Variants in PCSK9 observed in about 807,000 individuals in gnomAD.
PCSK9 encodes the protein convertase subtilisin/kexin type 9 preproprotein.
PCSK9 carries 57 observed loss-of-function variants against 62.1 expected under a neutral mutation model. The ratio of observed to expected loss-of-function variants is 0.92; its 90% CI spans 0.74 to 1.14. The LOEUF (loss-of-function observed/expected upper bound fraction) is 1.14. Among genes scored for constraint, PCSK9 ranks in the 50% most tolerant of loss-of-function variants. The pLI is 0.00. For missense variants in PCSK9, 870 were observed against 959.8 expected, an observed-to-expected ratio of 0.91 and a Z score of 1.24; for synonymous variants, 387 against 409.4, an observed-to-expected ratio of 0.95 and a Z score of 0.66.
chr1:55,040,760 G>T lies in PCSK9; in HGVS notation c.207+716G>T, dbSNP rs922771916. On this transcript the variant is annotated intron_variant, in intron 1 of 11. Coordinates refer to ENST00000302118, the MANE Select transcript of PCSK9 (RefSeq NM_174936.4). This position sits in a 1 kb window ranked among gnomAD's most constrained non-coding sequence, Gnocchi z 4.1. ...GGCCCTTGGTGCTCTGGAGCCGGAG[G>T]TGGTGCGCCTGGTACTGGGACCCCG... 6.6e-6 allele frequency among the ~76,000 whole-genome samples: 1 copy of T among 152,240 alleles called. No homozygotes were observed. The highest frequency in any genetic ancestry group is 1.5e-5 in the Non-Finnish European group (1 of 68,040).
At chr1:55,051,105 T>G (rs369121160) in intron 3 of PCSK9, 58 of 455,594 alleles carry the variant, frequency 1.3e-4, no homozygotes, top group African/African-American at 9.2e-4. Flanking sequence ...TCTGGGAATT[T>G]GTGACCGAAG....
At chr1:55,051,036 C>A (rs1644669110) in intron 3 of PCSK9, 1 of 416,244 alleles carries the variant, frequency 2.4e-6, no homozygotes, top group South Asian at 1.8e-5. Context: ...GGAACACCAG[C>A]AGCCACCAGA....
Position 55,046,574 on chromosome 1 carries a change from G to A in PCSK9, c.451G>A (p.Ala151Thr), listed in dbSNP as rs765172295. ...CATCGAGGAGGACTCCTCTGTCTTT[G>A]CCCAGAGCATCCCGTGGAACCTGGA... Reference protein sequence around the residue: ...DYIEEDSSVFAQSIPWNLERI... With the variant: ...DYIEEDSSVFTQSIPWNLERI... The change falls in exon 3 of 12, where the codon GCC becomes ACC. Residue 151 changes from alanine (A) to threonine (T), a missense_variant. Coordinates refer to ENST00000302118, the MANE Select transcript of PCSK9 (RefSeq NM_174936.4). The A allele has an allele frequency of 6.2e-7, 1 of 1,614,116 alleles. No homozygotes were observed. The highest frequency in any genetic ancestry group is 2.2e-5 in the East Asian group (1 of 44,866).
intron 7 of PCSK9, 29 bp from the exon 8 acceptor site, chr1:55,058,007 C>T (rs763498636): frequency 6.2e-7 from 1 of 1,613,418 alleles, no homozygotes; most frequent in South Asian, 1.1e-5. Flanking sequence ...CGGGCCATCA[C>T]CATCTTTCAC....
At position 55,058,577 on chromosome 1, in the gene PCSK9, C is replaced by T. The variant is rs1430200092; in HGVS notation, c.1433C>T (p.Ala478Val). 9 of 1,611,946 alleles carry T rather than the reference C, an allele frequency of 5.6e-6. No individual in the cohort carries two copies. Among genetic ancestry groups the T allele is most frequent in the Non-Finnish European group, 7.6e-6 (9 of 1,180,018 alleles). ...ATGGCCACAGCCGTCGCCCGCTGCG[C>T]CCCAGATGAGGAGCTGCTGAGCTGC... Reference protein sequence around the residue: ...TRMATAVARCAPDEELLSCSS... With the variant: ...TRMATAVARCVPDEELLSCSS... Residue 478 changes from alanine (A) to valine (V), a missense_variant, in exon 9 of 12, where the codon GCC becomes GTC. Coordinates refer to ENST00000302118, the MANE Select transcript of PCSK9 (RefSeq NM_174936.4).
At chr1:55,058,785 C>G in intron 9 of PCSK9, 138 bp downstream of exon 9, 1 of 1,500,542 alleles carries the variant, frequency 6.7e-7, no homozygotes, top group South Asian at 1.2e-5. Flanking sequence ...CTTCTGTAAG[C>G]TTACAGGGCT....
intron 6 of PCSK9, 88 bp from the exon 7 acceptor site, chr1:55,057,243 G>T (rs1557506175): frequency 6.7e-7 from 1 of 1,484,190 alleles, no homozygotes; most frequent in South Asian, 1.1e-5. Context: ...TATAGCAGTT[G>T]TCCAGCCCAG....
intron 2 of PCSK9, among the ~76,000 whole-genome samples, chr1:55,045,550 G>A (rs1205426417): frequency 6.6e-6 from 1 of 152,190 alleles, no homozygotes; most frequent in African/African-American, 2.4e-5. Flanking sequence ...ACTTAGGTCT[G>A]AAGGGTAAGG....
rs1557505457 is a variant in PCSK9 at position 55,055,990 on chromosome 1, CAGG to C, written c.800-2_800del. On this transcript the variant is annotated splice_acceptor_variant and coding_sequence_variant, in exon 6 of 12. Transcript: ENST00000302118. LOFTEE classifies it high-confidence loss of function. Reference sequence around the variant, plus strand: ...GGGGTGACCTTGGCTTTGTTCCTCCCAGGCCTGGAGTTTATTCGGAAAAGCCAG... The same window carrying C: ...GGGGTGACCTTGGCTTTGTTCCTCCCCCTGGAGTTTATTCGGAAAAGCCAG... The C allele has an allele frequency of 6.2e-7, 1 of 1,607,650 alleles. No individual in the cohort carries two copies. The highest frequency in any genetic ancestry group is 8.5e-7 in the Non-Finnish European group (1 of 1,176,494).
intron 5 of PCSK9, among the ~76,000 whole-genome samples, chr1:55,053,685 T>C (rs896688059): frequency 6.6e-6 from 1 of 152,242 alleles, no homozygotes; most frequent in African/African-American, 2.4e-5. Flanking sequence ...AGTTCTGCCC[T>C]GAGACTTTCC....
rs186250869 is a variant in PCSK9 at position 55,045,005 on chromosome 1, G to C, written c.399+971G>C. Among the ~76,000 whole-genome samples the C allele has an allele frequency of 5.9e-5, 9 of 152,340 alleles. No individual in the cohort carries two copies. The East Asian group carries it at 1.5e-3, about 26-fold the overall frequency. On this transcript the variant is annotated intron_variant, in intron 2 of 11. Coordinates refer to ENST00000302118, the MANE Select transcript of PCSK9 (RefSeq NM_174936.4). ...TCTGCTCAACACACGTTTACCAAGT[G>C]CCTACTGTGTGCTGCAGAGGCGAAG...
At position 55,047,685 on chromosome 1, in the gene PCSK9, C is replaced by A. The variant is rs28362225; in HGVS notation, c.523+1039C>A. Among the ~76,000 whole-genome samples the A allele has an allele frequency of 7.6e-3, 1,157 of 152,284 alleles. 12 individuals carry two copies. The highest frequency in any genetic ancestry group is 0.025 in the African/African-American group (1,054 of 41,558). On this transcript the variant is annotated intron_variant, in intron 3 of 11. Transcript: ENST00000302118. ...TATGTCTGAGTTGCTGCCATTGCAA[C>A]AGATCAGAGCTGGTGGGCTGGGTGT...
At chr1:55,046,018 C>A (rs1440630667) in intron 2 of PCSK9, among the ~76,000 whole-genome samples, 3 of 152,192 alleles carry the variant, frequency 2.0e-5, no homozygotes, top group African/African-American at 4.8e-5. Flanking sequence ...TGCTGATGCA[C>A]TCTTGTCCTT....
chr1:55,064,558 G>A lies in PCSK9; in HGVS notation c.*974G>A, dbSNP rs577623275. ...GCTCGGTGAGTGATGGCAGAACGAT[G>A]CCTGCAGGCATGGAACTTTTTCCGT... On this transcript the variant is annotated 3_prime_UTR_variant, in exon 12 of 12. Transcript: ENST00000302118. 3.3e-5 allele frequency: 5 copies of A among 152,322 alleles called. No individual in the cohort carries two copies. In the South Asian group the frequency reaches 1.0e-3, roughly 32 times the overall value. 9.4% of individuals were successfully genotyped at this position (152,322 alleles called of 1,614,324 possible).
intron 10 of PCSK9, among the ~76,000 whole-genome samples, chr1:55,061,107 A>G (rs895338864): frequency 6.6e-6 from 1 of 152,080 alleles, no homozygotes; most frequent in Non-Finnish European, 1.5e-5. Flanking sequence ...CACTGTCTCC[A>G]TCTCTGGGTG....
At chr1:55,046,704 C>T (rs895487525) in intron 3 of PCSK9, 58 bp downstream of exon 3, 1 of 1,602,426 alleles carries the variant, frequency 6.2e-7, no homozygotes. Flanking sequence ...ATTTGCTCTG[C>T]CCTGGCCTGG....
At chr1:55,046,287 A>G (rs984947403) in intron 2 of PCSK9, among the ~76,000 whole-genome samples, 3 of 152,218 alleles carry the variant, frequency 2.0e-5, no homozygotes, top group Non-Finnish European at 4.4e-5. Flanking sequence ...CCTAAAAGGA[A>G]TCCTCTATGC....
At chr1:55,057,910 A>G (rs1285532001) in intron 7 of PCSK9, 126 bp from the exon 8 acceptor site, 1 of 1,358,730 alleles carries the variant, frequency 7.4e-7, no homozygotes, top group East Asian at 2.3e-5. Flanking sequence ...CTTCGAGAAG[A>G]GAGCTTAGTG....
chr1:55,046,257 A>T (rs377108798), intron 2 of PCSK9, among the ~76,000 whole-genome samples: 3 of 152,326 alleles, frequency 2.0e-5, no homozygotes, highest in African/African-American at 7.2e-5. Flanking sequence ...CCCAGACAAG[A>T]TGTCAAGTTC....
Sources: gnomAD v4.1 joint callset for allele counts (sites outside exome capture counted in the v4.1 genomes callset) on GRCh38, gnomAD v4.1.1 for gene constraint, Gnocchi (gnomAD v3.1) non-coding constraint, MANE v1.5 for transcripts, NCBI Gene and HGNC (gene_info 2026-07-23, HGNC 2026-07-21) for gene names.